Variants in B3GAT2 observed in about 807,000 individuals in gnomAD.
B3GAT2 encodes beta-1,3-glucuronyltransferase 2.
Under a neutral mutation model 27.8 loss-of-function variants are expected in B3GAT2, and 26 were observed. The observed-to-expected ratio is 0.93, with a 90% CI of 0.68 to 1.30. The LOEUF (loss-of-function observed/expected upper bound fraction) is 1.30, where lower values mean the gene tolerates loss of function less well. Among genes scored for constraint, B3GAT2 ranks in the 50% most tolerant of loss-of-function variants. The probability of loss-of-function intolerance (pLI) is 0.00; values close to 1 mark genes in which losing one functional copy is unlikely to be tolerated. For missense variants in B3GAT2, 458 were observed against 459.0 expected (o/e 1.00, Z 0.02); for synonymous variants, 218 against 195.1 (o/e 1.12, Z -0.98).
At chr6:70,864,299 A>C (rs1475934545) in intron 2 of B3GAT2, among the ~76,000 whole-genome samples, 1 of 152,164 alleles carries the variant, frequency 6.6e-6, no homozygotes, top group Non-Finnish European at 1.5e-5. Flanking sequence ...CGACCACTGA[A>C]GGATTCAGAT....
Position 70,956,029 on chromosome 6 carries a change from C to G in B3GAT2, c.401G>C (p.Gly134Ala). 1 of 1,546,170 alleles carries G rather than the reference C, an allele frequency of 6.5e-7. No individual in the cohort carries two copies. Among genetic ancestry groups the G allele is most frequent in the South Asian group, 1.2e-5 (1 of 81,920 alleles). Residue 134 changes from glycine to alanine, a missense_variant, in exon 1 of 4, where the codon GGG (glycine) becomes GCG (alanine). Gly to Ala is a moderately conservative substitution (Grantham distance 60). Transcript: ENST00000230053. ...ELVSRFLARA[G>A]LPSTHLHVPT... The stretch of plus-strand genomic sequence containing the variant: ...CACGTGCAGGTGAGTGCTGGGCAGC[C>G]CGGCCCGCGCCAGGAAGCGGCTCAC...
chr6:70,862,078 CCTA>C, intron 2 of B3GAT2, 100 bp from the exon 3 acceptor site: 6 of 1,091,560 alleles, frequency 5.5e-6, no homozygotes, highest in Non-Finnish European at 7.7e-6. Flanking sequence ...TTTTAAAATA[CCTA>C]CTGTGTGTCA....
At chr6:70,901,369 T>A (rs1433449757) in intron 1 of B3GAT2, among the ~76,000 whole-genome samples, 1 of 152,150 alleles carries the variant, frequency 6.6e-6, no homozygotes, top group Non-Finnish European at 1.5e-5. Context: ...AAACCAGGGA[T>A]TCTTAGAGAA....
chr6:70,887,156 T>C (rs552306070), intron 2 of B3GAT2, among the ~76,000 whole-genome samples: 87 of 152,342 alleles, frequency 5.7e-4, no homozygotes, highest in African/African-American at 2.0e-3. Flanking sequence ...GCAGTATTTA[T>C]ATTCATGAAG....
At chr6:70,949,814 AC>A (rs1415178006) in intron 1 of B3GAT2, among the ~76,000 whole-genome samples, 117 of 151,728 alleles carry the variant, frequency 7.7e-4, no homozygotes, top group African/African-American at 2.7e-3. Context: ...CAAATGTCCA[AC>A]AATGATAGAC....
At chr6:70,924,782 A>C (rs1772926324) in intron 1 of B3GAT2, among the ~76,000 whole-genome samples, 1 of 152,152 alleles carries the variant, frequency 6.6e-6, no homozygotes, top group South Asian at 2.1e-4. Flanking sequence ...CCTTCCCCCA[A>C]ACTAAACTAC....
At chr6:70,954,686 G>C (rs1445475661) in intron 1 of B3GAT2, among the ~76,000 whole-genome samples, 1 of 152,200 alleles carries the variant, frequency 6.6e-6, no homozygotes, top group Non-Finnish European at 1.5e-5. Flanking sequence ...GGGAATTGAG[G>C]GGGAGTCTCT....
chr6:70,896,923 C>T (rs1296503310), intron 1 of B3GAT2, among the ~76,000 whole-genome samples: 3 of 152,138 alleles, frequency 2.0e-5, no homozygotes, highest in Admixed American at 6.6e-5. Context: ...AAGATAAATA[C>T]ATAGAAGTGG....
intron 1 of B3GAT2, among the ~76,000 whole-genome samples, chr6:70,926,974 T>A (rs969227395): frequency 2.4e-4 from 37 of 152,078 alleles, no homozygotes; most frequent in Non-Finnish European, 4.0e-4. Context: ...TAACAGCAGA[T>A]CTCTCAGCAG....
intron 1 of B3GAT2, among the ~76,000 whole-genome samples, chr6:70,919,977 G>A (rs1016508213): frequency 1.4e-4 from 22 of 152,168 alleles, no homozygotes; most frequent in Non-Finnish European, 2.9e-4. Flanking sequence ...AGCTGTCTGC[G>A]GCATTTTTTT....
At chr6:70,868,749 A>C (rs778031521) in intron 2 of B3GAT2, among the ~76,000 whole-genome samples, 2 of 152,190 alleles carry the variant, frequency 1.3e-5, no homozygotes, top group Non-Finnish European at 2.9e-5. Context: ...TAAGAAAAAG[A>C]GATTTCAACT....
chr6:70,957,018 T>C lies in B3GAT2; in HGVS notation c.-589A>G. The C allele has an allele frequency of 1.0e-6, 1 of 993,482 alleles. No homozygotes were observed. The highest frequency in any genetic ancestry group is 4.6e-5 in the South Asian group (1 of 21,820). 61.5% of individuals were successfully genotyped at this position (993,482 alleles called of 1,614,324 possible). ...CGCCGCAGCGGAAGCCTGCTCTCAG[T>C]CCCTTGCTCTTGTCTTCTCAGAACC... is the stretch of plus-strand genomic sequence containing the variant. On this transcript the variant is annotated 5_prime_UTR_variant, in exon 1 of 4. Coordinates refer to ENST00000230053, the MANE Select transcript of B3GAT2 (RefSeq NM_080742.3).
chr6:70,919,962 G>A (rs554380772), intron 1 of B3GAT2, among the ~76,000 whole-genome samples: 26 of 152,346 alleles, frequency 1.7e-4, no homozygotes, highest in African/African-American at 6.3e-4. Context: ...GTTTAAGTCT[G>A]CAGAAGCTGT....
chr6:70,943,442 C>T (rs1264097138), intron 1 of B3GAT2, among the ~76,000 whole-genome samples: 2 of 152,320 alleles, frequency 1.3e-5, no homozygotes, highest in African/African-American at 4.8e-5. Context: ...AGCTCCTCTC[C>T]TCTGTTTCAA....
At chr6:70,883,046 A>T (rs1772123421) in intron 2 of B3GAT2, among the ~76,000 whole-genome samples, 1 of 152,198 alleles carries the variant, frequency 6.6e-6, no homozygotes, top group South Asian at 2.1e-4. Flanking sequence ...GGCTATTATT[A>T]AAAAAACTAA....
chr6:70,947,421 T>C (rs1282120142), intron 1 of B3GAT2, among the ~76,000 whole-genome samples: 5 of 151,860 alleles, frequency 3.3e-5, no homozygotes, highest in Admixed American at 6.6e-5. Flanking sequence ...CCCACAGAAA[T>C]AGAAACTACC....
chr6:70,917,150 T>C (rs549539674), intron 1 of B3GAT2, among the ~76,000 whole-genome samples: 1 of 152,312 alleles, frequency 6.6e-6, no homozygotes, highest in South Asian at 2.1e-4. Context: ...TCAAGGAATT[T>C]TTCCATTTCT....
At chr6:70,946,950 T>C (rs1765495930) in intron 1 of B3GAT2, among the ~76,000 whole-genome samples, 1 of 152,062 alleles carries the variant, frequency 6.6e-6, no homozygotes, top group African/African-American at 2.4e-5. Context: ...CACAACTGCA[T>C]GGAAACTGAA....
intron 2 of B3GAT2, among the ~76,000 whole-genome samples, chr6:70,863,663 A>C (rs939576353): frequency 6.6e-6 from 1 of 152,068 alleles, no homozygotes; most frequent in African/African-American, 2.4e-5. Context: ...TAACACTTCA[A>C]CTCAATGTTT....
Sources: allele counts gnomAD v4.1 joint callset (sites outside exome capture counted in the v4.1 genomes callset), GRCh38; gene constraint gnomAD v4.1.1; transcripts MANE v1.5; gene names NCBI Gene and HGNC (gene_info 2026-07-23, HGNC 2026-07-21).